CCNY: variants seen among roughly 807,000 people sequenced by gnomAD.
The protein encoded by CCNY is cyclin-Y.
CCNY carries 19 observed loss-of-function variants against 42.8 expected under a neutral mutation model. The observed-to-expected ratio is 0.44, with a 90% CI of 0.31 to 0.65. The LOEUF (loss-of-function observed/expected upper bound fraction) is 0.65, where lower values mean the gene tolerates loss of function less well. CCNY is among the 30% of genes least tolerant of loss of function. The pLI is 0.07. For synonymous variants in CCNY, 165 were observed against 162.7 expected (o/e 1.01, Z -0.11); for missense variants, 370 against 437.3 (o/e 0.85, Z 1.37).
At chr10:35,415,026 G>A (rs1410311835) in intron 1 of CCNY, among the ~76,000 whole-genome samples, 1 of 152,248 alleles carries the variant, frequency 6.6e-6, no homozygotes, top group Non-Finnish European at 1.5e-5. Context: ...AACAGCAGGA[G>A]CAGAGATGCT....
At chr10:35,374,238 G>A (rs1248386111) in intron 1 of CCNY, among the ~76,000 whole-genome samples, 1 of 152,132 alleles carries the variant, frequency 6.6e-6, no homozygotes, top group Non-Finnish European at 1.5e-5. Flanking sequence ...ATATAGTTTA[G>A]CCAGAGATGG....
At chr10:35,567,378 C>T (rs1042524849) in intron 9 of CCNY, among the ~76,000 whole-genome samples, 3 of 152,212 alleles carry the variant, frequency 2.0e-5, no homozygotes, top group African/African-American at 7.2e-5. Flanking sequence ...GACCTTTTGG[C>T]AGGAGGAAAG....
At position 35,530,052 on chromosome 10, in the gene CCNY, A is replaced by G. The variant is rs1464516722; in HGVS notation, c.459+22A>G. On this transcript the variant is annotated intron_variant, in intron 6 of 9. Coordinates refer to ENST00000374704, the MANE Select transcript of CCNY (RefSeq NM_145012.6). This position sits in a 1 kb window ranked among gnomAD's most constrained non-coding sequence, Gnocchi z 4.3. ...TTCGGTAATCTCCTCCGTGTGTTTC[A>G]TGAGATGATTTAATTATTTCTCTTT... The G allele has an allele frequency of 1.9e-6, 3 of 1,613,856 alleles. No homozygotes were observed. The highest frequency in any genetic ancestry group is 1.7e-5 in the Admixed American group (1 of 60,000).
chr10:35,552,984 A>C (rs1841290989), intron 7 of CCNY, 35 bp from the exon 8 acceptor site: 2 of 1,597,406 alleles, frequency 1.3e-6, no homozygotes, highest in Non-Finnish European at 1.7e-6. Flanking sequence ...GGAGAAAACA[A>C]ATCACTTAGC....
At chr10:35,387,462 G>A (rs1056218870) in intron 1 of CCNY, among the ~76,000 whole-genome samples, 24 of 152,180 alleles carry the variant, frequency 1.6e-4, no homozygotes, top group African/African-American at 5.1e-4. Flanking sequence ...TGTTGTATGT[G>A]GGGCAGATGT....
intron 7 of CCNY, among the ~76,000 whole-genome samples, chr10:35,549,901 A>G (rs7067677): frequency 5.6e-3 from 2 of 360 alleles, no homozygotes; most frequent in African/African-American, 8.1e-3. Context: ...GCTGCTCATG[A>G]CACATGACCC....
At chr10:35,487,383 G>A (rs1347760760) in intron 2 of CCNY, among the ~76,000 whole-genome samples, 2 of 152,130 alleles carry the variant, frequency 1.3e-5, no homozygotes, top group Non-Finnish European at 2.9e-5. Context: ...TGTTAGGGCA[G>A]CTGCTGCTTG....
chr10:35,520,978 A>G (rs1840534642), intron 4 of CCNY, among the ~76,000 whole-genome samples: 1 of 152,172 alleles, frequency 6.6e-6, no homozygotes, highest in African/African-American at 2.4e-5. Flanking sequence ...AGGGCCAGGG[A>G]ACAGCTAATG....
At chr10:35,472,053 T>A (rs1171957267) in intron 1 of CCNY, among the ~76,000 whole-genome samples, 1 of 152,222 alleles carries the variant, frequency 6.6e-6, no homozygotes, top group Non-Finnish European at 1.5e-5. Context: ...AACATTTATG[T>A]ATTGAGAGTT....
In CCNY at chr10:35,264,160, A is replaced by G. The variant is rs1375314834; in HGVS notation, c.-9+13534A>G. Among the ~76,000 whole-genome samples the G allele has an allele frequency of 2.0e-5, 3 of 152,204 alleles. No homozygotes were observed. In the East Asian group the frequency reaches 5.8e-4, roughly 29 times the overall value. On this transcript the variant is annotated intron_variant, in intron 3 of 11. Coordinates refer to the CCNY transcript ENST00000374706. Reference sequence around the variant, plus strand: ...GAACATATGTGTGGCACGTATCTTTATAATAGAATGATTTATATTCCTTTG... The same window carrying G: ...GAACATATGTGTGGCACGTATCTTTGTAATAGAATGATTTATATTCCTTTG...
chr10:35,496,573 G>T (rs1178902915), intron 2 of CCNY, among the ~76,000 whole-genome samples: 1 of 152,126 alleles, frequency 6.6e-6, no homozygotes, highest in East Asian at 1.9e-4. Flanking sequence ...GCTCATACCT[G>T]TAATCCCAAA....
chr10:35,538,020 C>G (rs1349237480), intron 7 of CCNY, among the ~76,000 whole-genome samples: 2 of 152,118 alleles, frequency 1.3e-5, no homozygotes, highest in Non-Finnish European at 2.9e-5. Context: ...AATCATGGCA[C>G]TGGTTTCCCC....
intron 3 of CCNY, among the ~76,000 whole-genome samples, chr10:35,512,108 G>A (rs537604028): frequency 6.6e-6 from 1 of 152,220 alleles, no homozygotes; most frequent in Non-Finnish European, 1.5e-5. Flanking sequence ...ACTTGGAATA[G>A]AATCGATAGC....
At chr10:35,339,601 A>G (rs1171992726) in intron 1 of CCNY, among the ~76,000 whole-genome samples, 1 of 152,168 alleles carries the variant, frequency 6.6e-6, no homozygotes, top group Non-Finnish European at 1.5e-5. Context: ...CATATTTTTT[A>G]TGTCCTGAAA....
At chr10:35,441,614 G>A (rs1838671169) in intron 1 of CCNY, among the ~76,000 whole-genome samples, 1 of 152,158 alleles carries the variant, frequency 6.6e-6, no homozygotes, top group Admixed American at 6.5e-5. Flanking sequence ...CAGGGATGGT[G>A]GTGTGTGCCT....
intron 4 of CCNY, among the ~76,000 whole-genome samples, chr10:35,518,900 C>G (rs550144744): frequency 2.1e-3 from 151 of 71,900 alleles, no homozygotes; most frequent in Middle Eastern, 9.1e-3. Context: ...GAGGCATTCT[C>G]TGGGTATCTG....
chr10:35,557,761 T>TAAA lies in CCNY; in HGVS notation c.746+4582_746+4584dup, dbSNP rs566127111. ...ACAGAGCAAGACTCCATTTTATATTTAAAAAAAAGTCAGTATAAATTATTA... is the reference window on the plus strand; with the variant it reads ...ACAGAGCAAGACTCCATTTTATATTTAAAAAAAAAAAGTCAGTATAAATTATTA... On this transcript the variant is annotated intron_variant, in intron 8 of 9. Coordinates refer to ENST00000374704, the MANE Select transcript of CCNY (RefSeq NM_145012.6). Among the ~76,000 whole-genome samples, 506 of 152,014 alleles carry TAAA rather than the reference T, an allele frequency of 3.3e-3. 4 individuals carry two copies. Among genetic ancestry groups the TAAA allele is most frequent in the African/African-American group, 0.011 (476 of 41,458 alleles).
intron 1 of CCNY, among the ~76,000 whole-genome samples, chr10:35,376,823 G>A (rs934384509): frequency 4.6e-5 from 7 of 152,176 alleles, no homozygotes; most frequent in East Asian, 1.9e-4. Context: ...ACGATTTCAC[G>A]TATATGAAAT....
At chr10:35,564,904 C>A (rs911431138) in intron 8 of CCNY, among the ~76,000 whole-genome samples, 4 of 152,166 alleles carry the variant, frequency 2.6e-5, no homozygotes, top group African/African-American at 9.7e-5. Context: ...GAGAACAGCC[C>A]AAGAGGCTGA....
Sources: allele counts gnomAD v4.1 joint callset (sites outside exome capture counted in the v4.1 genomes callset), GRCh38; gene constraint gnomAD v4.1.1; non-coding constraint Gnocchi (gnomAD v3.1); transcripts MANE v1.5; gene names NCBI Gene and HGNC (gene_info 2026-07-23, HGNC 2026-07-21).